The following NCAPD2 variants were observed in gnomAD, a reference collection of about 807,000 sequenced individuals.
NCAPD2 encodes non-SMC condensin I complex subunit D2.
A neutral mutation model predicts 164.5 loss-of-function variants in NCAPD2; 100 were observed. That is an observed-to-expected ratio of 0.61 (90% CI 0.52 to 0.72). NCAPD2 has a LOEUF of 0.72. Among genes scored for constraint, NCAPD2 ranks in the 30% least tolerant of loss-of-function variants. The pLI, the probability that NCAPD2 is intolerant of heterozygous loss-of-function variation, is 0.00. For missense variants in NCAPD2, 1,560 were observed against 1,749.2 expected, an observed-to-expected ratio of 0.89 and a Z score of 1.93; for synonymous variants, 585 against 642.6, an observed-to-expected ratio of 0.91 and a Z score of 1.36.
At chr12:6,523,398 G>GTCTTT (rs1946285686) in intron 17 of NCAPD2, 52 bp downstream of exon 17, 1 of 740,356 alleles carries the variant, frequency 1.4e-6, no homozygotes, top group African/African-American at 2.4e-5. Context: ...TATTTTGGTT[G>GTCTTT]TTTTTTTTTT....
chr12:6,498,180 A>ATTAC (rs1946001806), intron 2 of NCAPD2, among the ~76,000 whole-genome samples: 1 of 152,186 alleles, frequency 6.6e-6, no homozygotes, highest in Admixed American at 6.6e-5. Flanking sequence ...AAGTGCTGAG[A>ATTAC]TTACAGGTGT....
chr12:6,521,076 C>T lies in NCAPD2; in HGVS notation c.1680C>T (p.Thr560=). ...TAGACCCAGAGGAGTCAGAGGAGAC[C>T]AGGCTCTTGAATATCTTAGGACTTA... The part of the protein sequence containing the change: ...SHIDPEESEE[T]RLLNILGLIF... Residue 560 remains threonine, a synonymous_variant, in exon 14 of 32, where the codon ACC becomes ACT. Transcript: ENST00000315579. 1.2e-6 allele frequency: 2 copies of T among 1,614,164 alleles called. No homozygotes were observed. Among genetic ancestry groups the T allele is most frequent in the Non-Finnish European group, 1.7e-6 (2 of 1,180,002 alleles).
At position 6,531,016 on chromosome 12, in the gene NCAPD2, C is replaced by G. The variant is rs1379696785; in HGVS notation, c.4060C>G (p.Gln1354Glu). 1.2e-6 allele frequency: 2 copies of G among 1,614,154 alleles called. No homozygotes were observed. Among genetic ancestry groups the G allele is most frequent in the South Asian group, 2.2e-5 (2 of 91,084 alleles). ...TACCCGTCGGCATCCAAACACCCAG[C>G]AGCGAGCTTCCAAAAAGAAACCCAA... The part of the protein sequence containing the change: ...RTTRRHPNTQ[Q>E]RASKKKPKVV... The change falls in exon 31 of 32, where the codon CAG (glutamine) becomes GAG (glutamate). Residue 1354 changes from glutamine (Q) to glutamate (E), a missense_variant. Physicochemically the swap from Gln to Glu is conservative, Grantham distance 29. Transcript: ENST00000315579. The surrounding 1 kb of genome is among the most constrained non-coding windows in gnomAD (Gnocchi z 4.1).
intron 6 of NCAPD2, among the ~76,000 whole-genome samples, chr12:6,513,715 C>CTTTTTTGTTTTTTTTTTTTTTTTTTTT (rs1946171982): frequency 1.3e-5 from 1 of 74,894 alleles, no homozygotes; most frequent in Non-Finnish European, 2.5e-5. Flanking sequence ...GTGACTTTGT[C>CTTTTTTGTTTTTTTTTTTTTTTTTTTT]TTTTTTTTTT....
intron 2 of NCAPD2, among the ~76,000 whole-genome samples, chr12:6,500,927 G>A (rs1237209478): frequency 1.3e-5 from 2 of 152,110 alleles, no homozygotes; most frequent in African/African-American, 2.4e-5. Context: ...GGACTGGAGG[G>A]ATAGCAGGGG....
At chr12:6,524,961 A>G (rs1946302868) in intron 17 of NCAPD2, among the ~76,000 whole-genome samples, 1 of 152,182 alleles carries the variant, frequency 6.6e-6, no homozygotes, top group South Asian at 2.1e-4. Context: ...TACAAGAGGC[A>G]GGGGAGAGCA....
Position 6,528,374 on chromosome 12 carries a change from A to G in NCAPD2, c.3299+46A>G, listed in dbSNP as rs368465774. 1 of 1,609,448 alleles carries G rather than the reference A, an allele frequency of 6.2e-7. No individual in the cohort carries two copies. Among genetic ancestry groups the G allele is most frequent in the South Asian group, 1.1e-5 (1 of 90,944 alleles). ...TGGTGGCAGTTCCCAGGAGCCCCGG[A>G]GTCTGTTGAGAGTCAGTGTGAGAAT... On this transcript the variant is annotated intron_variant, in intron 25 of 31. Coordinates refer to ENST00000315579, the MANE Select transcript of NCAPD2 (RefSeq NM_014865.4). This position sits in a 1 kb window ranked among gnomAD's most constrained non-coding sequence, Gnocchi z 5.1.
chr12:6,522,896 G>A lies in NCAPD2; in HGVS notation c.2023G>A (p.Val675Met). 1 of 1,614,192 alleles carries A rather than the reference G, an allele frequency of 6.2e-7. No individual in the cohort carries two copies. ...QFGVPQALFG[V>M]RRMLPLIWSK... is the part of the protein sequence containing the mutation. ...TGGGGTACCCCAGGCCCTGTTTGGG[G>A]TGCGCCGTATGCTGCCTCTCATCTG... Residue 675 changes from valine to methionine, a missense_variant, in exon 16 of 32, where the codon GTG (valine) becomes ATG (methionine). Physicochemically the swap from Val to Met is conservative, Grantham distance 21. Coordinates refer to ENST00000315579, the MANE Select transcript of NCAPD2 (RefSeq NM_014865.4).
chr12:6,510,517 G>A, intron 4 of NCAPD2, 112 bp from the exon 5 acceptor site: 1 of 1,259,320 alleles, frequency 7.9e-7, no homozygotes, highest in Non-Finnish European at 1.2e-6. Context: ...TGGCCACTGA[G>A]AGATGAAACA....
chr12:6,500,214 G>C (rs1422192446), intron 2 of NCAPD2, among the ~76,000 whole-genome samples: 2 of 152,100 alleles, frequency 1.3e-5, no homozygotes, highest in Admixed American at 1.3e-4. Context: ...TTAAGGCCAG[G>C]AGTTCAAGAC....
Position 6,526,442 on chromosome 12 carries a change from C to T in NCAPD2, c.2567-6C>T. The T allele has an allele frequency of 6.2e-7, 1 of 1,614,198 alleles. No homozygotes were observed. Among genetic ancestry groups the T allele is most frequent in the Non-Finnish European group, 8.5e-7 (1 of 1,180,032 alleles). ...CAGTAAACAACTTCTCCCTCCTCCTCTGCAGGCTTTGTCCACCCAGACCCA... is the reference window on the plus strand; with the variant it reads ...CAGTAAACAACTTCTCCCTCCTCCTTTGCAGGCTTTGTCCACCCAGACCCA... On this transcript the variant is annotated splice_polypyrimidine_tract_variant and splice_region_variant and intron_variant, in intron 20 of 31. Transcript: ENST00000315579.
chr12:6,509,567 C>T (rs1434025002), intron 2 of NCAPD2, 150 bp from the exon 3 acceptor site: 6 of 773,310 alleles, frequency 7.8e-6, no homozygotes, highest in Non-Finnish European at 1.3e-5. Context: ...CGGCTCTCAT[C>T]GTCATTATAG....
Position 6,521,865 on chromosome 12 carries a change from T to A in NCAPD2, c.1782T>A (p.Thr594=), listed in dbSNP as rs760403062. ...CAGGAAACATGGTCACAGGACAGAC[T>A]GTCTGTAAAAATAAACCCAATATGT... ...ESTGNMVTGQ[T]VCKNKPNMSD... The change falls in exon 15 of 32, where the codon ACT becomes ACA. Residue 594 remains threonine (T), a synonymous_variant. Coordinates refer to ENST00000315579, the MANE Select transcript of NCAPD2 (RefSeq NM_014865.4). The A allele has an allele frequency of 8.1e-6, 13 of 1,614,094 alleles. No individual in the cohort carries two copies. The highest frequency in any genetic ancestry group is 1.0e-5 in the Non-Finnish European group (12 of 1,180,000).
At chr12:6,510,886 A>G (rs1449126886) in intron 5 of NCAPD2, 76 bp downstream of exon 5, 48 of 1,501,246 alleles carry the variant, frequency 3.2e-5, no homozygotes, top group Admixed American at 1.2e-4. Context: ...AGGGAATCCA[A>G]TGATCCACAA....
At chr12:6,512,578 C>A (rs578233141) in intron 6 of NCAPD2, among the ~76,000 whole-genome samples, 36 of 152,330 alleles carry the variant, frequency 2.4e-4, no homozygotes, top group African/African-American at 8.7e-4. Flanking sequence ...GGGAGCCAGA[C>A]CGCAGGTTCT....
intron 18 of NCAPD2, 91 bp downstream of exon 18, chr12:6,525,807 G>C (rs927068772): frequency 6.6e-7 from 1 of 1,526,522 alleles, no homozygotes. Flanking sequence ...GTCACAGTGA[G>C]GCCCAACTGA....
At chr12:6,494,989 A>G (rs1945962049) in intron 1 of NCAPD2, 87 bp from the exon 2 acceptor site, 9 of 1,352,028 alleles carry the variant, frequency 6.7e-6, no homozygotes, top group South Asian at 1.4e-5. Context: ...AAGCCATTAT[A>G]TATGTTGGGG....
At position 6,531,040 on chromosome 12, in the gene NCAPD2, A is replaced by G; in HGVS notation, c.4084A>G (p.Lys1362Glu). ...GCAGCGAGCTTCCAAAAAGAAACCC[A>G]AAGTTGTCTTCTCAAGTGATGAGTC... is the stretch of plus-strand genomic sequence containing the variant. The part of the protein sequence containing the change: ...TQQRASKKKP[K>E]VVFSSDESSE... The change falls in exon 31 of 32, where the codon AAA becomes GAA. Residue 1362 changes from lysine to glutamate, a missense_variant. Physicochemically the swap from Lys to Glu is moderately conservative, Grantham distance 56. Coordinates refer to ENST00000315579, the MANE Select transcript of NCAPD2 (RefSeq NM_014865.4). This position sits in a 1 kb window ranked among gnomAD's most constrained non-coding sequence, Gnocchi z 4.1. 2 of 1,613,986 alleles carry G rather than the reference A, an allele frequency of 1.2e-6. No homozygotes were observed. The highest frequency in any genetic ancestry group is 1.7e-6 in the Non-Finnish European group (2 of 1,180,032).
At chr12:6,507,777 A>T (rs1337420838) in intron 2 of NCAPD2, among the ~76,000 whole-genome samples, 1 of 152,232 alleles carries the variant, frequency 6.6e-6, no homozygotes, top group Non-Finnish European at 1.5e-5. Flanking sequence ...AAGGAAAGGA[A>T]TGTGAGCTGG....
Sources: gnomAD v4.1 joint callset for allele counts (sites outside exome capture counted in the v4.1 genomes callset) on GRCh38, gnomAD v4.1.1 for gene constraint, Gnocchi (gnomAD v3.1) non-coding constraint, MANE v1.5 for transcripts, NCBI Gene and HGNC (gene_info 2026-07-23, HGNC 2026-07-21) for gene names.